The following SLC6A5 variants were observed in gnomAD, a reference collection of about 807,000 sequenced individuals.
SLC6A5 encodes solute carrier family 6 member 5, also known as sodium- and chloride-dependent glycine transporter 2.
In SLC6A5, 58 loss-of-function variants were observed where a neutral mutation model predicts 90.5. That is an observed-to-expected ratio of 0.64 (90% CI 0.52 to 0.80). The LOEUF (loss-of-function observed/expected upper bound fraction) is 0.80. Ranked by LOEUF, SLC6A5 falls within the 30% of genes least tolerant of loss-of-function variation. The pLI is 0.00. For synonymous variants in SLC6A5, 427 were observed against 401.4 expected (o/e 1.06, Z -0.76); for missense variants, 1,015 against 1,017.6 (o/e 1.00, Z 0.03).
intron 10 of SLC6A5, among the ~76,000 whole-genome samples, chr11:20,631,750 C>T (rs1271598109): frequency 6.6e-6 from 1 of 152,116 alleles, no homozygotes; most frequent in Non-Finnish European, 1.5e-5. Context: ...AACCAAGGGG[C>T]GTACCTGTGA....
At chr11:20,608,944 C>CTGTGTGTGTG in intron 5 of SLC6A5, among the ~76,000 whole-genome samples, 1 of 118,854 alleles carries the variant, frequency 8.4e-6, no homozygotes, top group African/African-American at 2.9e-5. Context: ...CTCTCTCTCT[C>CTGTGTGTGTG]TCTCTCTCTC....
In SLC6A5 at chr11:20,600,317, A is replaced by C. The variant is rs1852433344; in HGVS notation, c.3+642A>C. Among the ~76,000 whole-genome samples the C allele has an allele frequency of 3.4e-5, 5 of 148,434 alleles. 2 individuals are homozygous for C. In the South Asian group the frequency reaches 1.1e-3, roughly 32 times the overall value. On this transcript the variant is annotated intron_variant, in intron 1 of 15. Transcript: ENST00000525748. Reference sequence around the variant, plus strand: ...GGATATTAGACTCCTGTGAATAGTTACGCAAAAAAGAAGAAGAGGAAGAAG... The same window carrying C: ...GGATATTAGACTCCTGTGAATAGTTCCGCAAAAAAGAAGAAGAGGAAGAAG...
chr11:20,607,732 T>C, intron 5 of SLC6A5, 80 bp downstream of exon 5: 1 of 1,124,804 alleles, frequency 8.9e-7, no homozygotes, highest in Non-Finnish European at 1.3e-6. Context: ...ACATATATTA[T>C]GCATGCTAGG....
In SLC6A5 at chr11:20,634,683, C is replaced by G. The variant is rs188876688; in HGVS notation, c.1625-1624C>G. The stretch of plus-strand genomic sequence containing the variant: ...AGCCTTCAGAGGCTGGCTCTACAGT[C>G]TGTTCAATAAATGCGTAAAGCGGGG... On this transcript the variant is annotated intron_variant, in intron 10 of 15. Transcript: ENST00000525748. Among the ~76,000 whole-genome samples the G allele has an allele frequency of 1.3e-3, 194 of 152,318 alleles. 1 individual carries two copies. The highest frequency in any genetic ancestry group is 4.6e-3 in the African/African-American group (190 of 41,580).
At chr11:20,603,262 C>A (rs996770406) in intron 2 of SLC6A5, among the ~76,000 whole-genome samples, 1 of 97,434 alleles carries the variant, frequency 1.0e-5, no homozygotes, top group Non-Finnish European at 2.8e-5. Flanking sequence ...GCCTGGAAAG[C>A]TTTGTGCAGT....
chr11:20,608,958 C>CTCTG lies in SLC6A5; in HGVS notation c.985+1307_985+1308insCTGT, dbSNP rs368771053. Among the ~76,000 whole-genome samples, 83 of 110,922 alleles carry CTCTG rather than the reference C, an allele frequency of 7.5e-4. No individual in the cohort carries two copies. In the South Asian group the frequency reaches 8.8e-3, roughly 12 times the overall value. The allele number at this position is 110,922 out of a possible 152,430, so 72.8% of individuals were successfully genotyped here. A position where few individuals can be genotyped will look rare whatever the true frequency, so the allele number is the denominator to read the frequency against. On this transcript the variant is annotated intron_variant, in intron 5 of 15. Transcript: ENST00000525748. The stretch of plus-strand genomic sequence containing the variant: ...TCTCTCTCTCTCTCTCTCTCTCTCT[C>CTCTG]TGTGTGTGTGTGTGTGTGTGTGTGT...
intron 7 of SLC6A5, among the ~76,000 whole-genome samples, chr11:20,618,317 CTG>C (rs1404405836): frequency 2.0e-5 from 3 of 152,200 alleles, no homozygotes; most frequent in African/African-American, 7.2e-5. Context: ...AAGATCAAAA[CTG>C]TGTAGTAGAT....
At chr11:20,611,084 G>A (rs1852685013) in intron 5 of SLC6A5, among the ~76,000 whole-genome samples, 1 of 152,188 alleles carries the variant, frequency 6.6e-6, no homozygotes, top group African/African-American at 2.4e-5. Context: ...TCTGATGCTA[G>A]AATCATAAGG....
rs1590171175 is a variant in SLC6A5 at position 20,630,590 on chromosome 11, T to G, written c.1500-101T>G. 3.2e-5 allele frequency: 43 copies of G among 1,362,530 alleles called. No individual in the cohort carries two copies. In the East Asian group the frequency reaches 9.9e-4, roughly 31 times the overall value. 84.4% of individuals were successfully genotyped at this position (1,362,530 alleles called of 1,614,324 possible). On this transcript the variant is annotated intron_variant, in intron 9 of 15. Coordinates refer to ENST00000525748, the MANE Select transcript of SLC6A5 (RefSeq NM_004211.5). ...GAACGTACACGTATATGCCTACACA[T>G]GTGCAGACAAACATGTGGGCACACA... is the stretch of plus-strand genomic sequence containing the variant.
At chr11:20,637,668 C>T (rs747008541) in intron 12 of SLC6A5, among the ~76,000 whole-genome samples, 2 of 152,166 alleles carry the variant, frequency 1.3e-5, no homozygotes, top group Non-Finnish European at 2.9e-5. Flanking sequence ...GCTCTGATTG[C>T]ATCTGTGAAT....
At chr11:20,635,412 A>T (rs1429159312) in intron 10 of SLC6A5, among the ~76,000 whole-genome samples, 1 of 152,084 alleles carries the variant, frequency 6.6e-6, no homozygotes, top group African/African-American at 2.4e-5. Context: ...CCCCCCCGCA[A>T]CCCGACTAAC....
chr11:20,600,761 C>G (rs1463476048), intron 1 of SLC6A5, among the ~76,000 whole-genome samples: 1 of 152,168 alleles, frequency 6.6e-6, no homozygotes, highest in African/African-American at 2.4e-5. Flanking sequence ...AAGAATCTTT[C>G]TACAGTGGTG....
chr11:20,650,918 G>A (rs1200152489), intron 14 of SLC6A5, among the ~76,000 whole-genome samples: 7 of 151,358 alleles, frequency 4.6e-5, no homozygotes, highest in African/African-American at 1.7e-4. Flanking sequence ...CGCCCGCCTC[G>A]GCCTCCCAAA....
At chr11:20,633,041 AG>A (rs1370000329) in intron 10 of SLC6A5, among the ~76,000 whole-genome samples, 1 of 152,032 alleles carries the variant, frequency 6.6e-6, no homozygotes, top group African/African-American at 2.4e-5. Context: ...GGCATAGGGA[AG>A]GGGGCATGTT....
In SLC6A5 at chr11:20,608,958, CTGTG is replaced by C. The variant is rs71063652; in HGVS notation, c.985+1336_985+1339del. 1.9e-3 allele frequency among the ~76,000 whole-genome samples: 208 copies of C among 110,924 alleles called. 1 individual carries two copies. The highest frequency in any genetic ancestry group is 4.1e-3 in the South Asian group (14 of 3,402). The allele number at this position is 110,924 out of a possible 152,430, so 72.8% of individuals were successfully genotyped here. ...TCTCTCTCTCTCTCTCTCTCTCTCT[CTGTG>C]TGTGTGTGTGTGTGTGTGTGTGTGT... On this transcript the variant is annotated intron_variant, in intron 5 of 15. Transcript: ENST00000525748.
intron 13 of SLC6A5, among the ~76,000 whole-genome samples, chr11:20,645,031 T>C (rs1376103623): frequency 6.6e-6 from 1 of 152,014 alleles, no homozygotes; most frequent in East Asian, 1.9e-4. Context: ...CAGGCTGATC[T>C]CGAACTCCTG....
chr11:20,608,390 C>T (rs79309681), intron 5 of SLC6A5, among the ~76,000 whole-genome samples: 9,723 of 152,230 alleles, frequency 0.064, 421 homozygotes, highest in Non-Finnish European at 0.09. Flanking sequence ...GCAGCTATGT[C>T]AGAAAGTCTT....
chr11:20,635,400 C>T (rs568630284), intron 10 of SLC6A5, among the ~76,000 whole-genome samples: 41 of 138,362 alleles, frequency 3.0e-4, no homozygotes, highest in African/African-American at 9.5e-4. Context: ...TTTCATGCGC[C>T]GCCCCCCCGC....
At chr11:20,639,052 CA>C (rs1255062912) in intron 13 of SLC6A5, among the ~76,000 whole-genome samples, 7 of 152,124 alleles carry the variant, frequency 4.6e-5, no homozygotes, top group Non-Finnish European at 8.8e-5. Flanking sequence ...TGCAATATCT[CA>C]ATCTCAGATT....
Sources: gnomAD v4.1 joint callset for allele counts (sites outside exome capture counted in the v4.1 genomes callset) on GRCh38, gnomAD v4.1.1 for gene constraint, MANE v1.5 for transcripts, NCBI Gene and HGNC (gene_info 2026-07-23, HGNC 2026-07-21) for gene names.